SLC41A2: variants seen among roughly 807,000 people sequenced by gnomAD.
SLC41A2 encodes SLC41A1-like 1.
A neutral mutation model predicts 58.3 loss-of-function variants in SLC41A2; 32 were observed. That is an observed-to-expected ratio of 0.55 (90% CI 0.41 to 0.74). The LOEUF is 0.74. Ranked by LOEUF, SLC41A2 falls within the 30% of genes least tolerant of loss-of-function variation. The probability of loss-of-function intolerance (pLI) is 0.00; values close to 1 mark genes in which losing one functional copy is unlikely to be tolerated. For synonymous variants in SLC41A2, 190 were observed against 235.0 expected (o/e 0.81, Z 1.75); for missense variants, 514 against 680.6 (o/e 0.76, Z 2.72).
At chr12:104,913,457 T>C (rs1004113566) in intron 2 of SLC41A2, among the ~76,000 whole-genome samples, 2 of 152,192 alleles carry the variant, frequency 1.3e-5, no homozygotes, top group Admixed American at 6.5e-5. Flanking sequence ...CCAGGATTCC[T>C]TCCTGGTAAG....
intron 6 of SLC41A2, among the ~76,000 whole-genome samples, chr12:104,881,970 C>G (rs1016171441): frequency 6.6e-6 from 1 of 152,062 alleles, no homozygotes; most frequent in East Asian, 1.9e-4. Context: ...GTAGGTCTCT[C>G]AGGACTTGCT....
At chr12:104,859,666 T>C (rs2043135840) in intron 8 of SLC41A2, among the ~76,000 whole-genome samples, 1 of 152,192 alleles carries the variant, frequency 6.6e-6, no homozygotes, top group African/African-American at 2.4e-5. Flanking sequence ...TCAGTAGAAA[T>C]TTTAGACATG....
At chr12:104,925,709 A>G (rs2046810342) in intron 2 of SLC41A2, among the ~76,000 whole-genome samples, 1 of 152,242 alleles carries the variant, frequency 6.6e-6, no homozygotes. Flanking sequence ...TCTCAGTATC[A>G]GGAAGTAAGT....
Position 104,928,100 on chromosome 12 carries a change from G to C in SLC41A2, c.428C>G (p.Ala143Gly), listed in dbSNP as rs771069076. ...TAATTTTGGGGTCACTTCTACAATA[G>C]CATCTTCATCACCATCACTAGATAT... ...EDISSDGDED[A>G]IVEVTPKLPK... The change falls in exon 2 of 11, where the codon GCT (alanine) becomes GGT (glycine). Residue 143 changes from alanine to glycine, a missense_variant. Around this residue, in one of 3 missense-constraint regions of SLC41A2, gnomAD observed 336 missense variants for 430.0 expected, o/e 0.78. Transcript: ENST00000258538. 2 of 1,614,158 alleles carry C rather than the reference G, an allele frequency of 1.2e-6. No individual in the cohort carries two copies. Among genetic ancestry groups the C allele is most frequent in the South Asian group, 1.1e-5 (1 of 91,080 alleles).
intron 1 of SLC41A2, among the ~76,000 whole-genome samples, chr12:104,949,250 A>G (rs1283343539): frequency 6.6e-6 from 1 of 152,184 alleles, no homozygotes; most frequent in Non-Finnish European, 1.5e-5. Flanking sequence ...AAATAAATGA[A>G]CAAATATTTT....
intron 3 of SLC41A2, among the ~76,000 whole-genome samples, chr12:104,900,157 CTT>C (rs2045492342): frequency 6.6e-6 from 1 of 152,144 alleles, no homozygotes; most frequent in South Asian, 2.1e-4. Context: ...ACATCACAAA[CTT>C]TGCAATTCTT....
chr12:104,901,500 C>T (rs1022701807), intron 3 of SLC41A2, among the ~76,000 whole-genome samples: 1 of 151,928 alleles, frequency 6.6e-6, no homozygotes, highest in African/African-American at 2.4e-5. Flanking sequence ...GATTTGGATA[C>T]ATCATTTTTT....
chr12:104,958,366 G>C (rs2048257067), upstream of SLC41A2: 1 of 148,874 alleles, frequency 6.7e-6, no homozygotes, highest in African/African-American at 2.4e-5. Context: ...CGCAAGCGCA[G>C]CCGCGCCGCC....
chr12:104,843,795 A>G (rs111968514), intron 10 of SLC41A2, among the ~76,000 whole-genome samples: 3 of 152,312 alleles, frequency 2.0e-5, no homozygotes, highest in Non-Finnish European at 4.4e-5. Context: ...TTATATCAAA[A>G]GAACAAATAT....
At chr12:104,829,354 TAA>T (rs1730046432) in intron 10 of SLC41A2, among the ~76,000 whole-genome samples, 2 of 152,126 alleles carry the variant, frequency 1.3e-5, no homozygotes, top group South Asian at 4.1e-4. Flanking sequence ...ACCATATGGA[TAA>T]GTTTCAAAAT....
chr12:104,844,546 G>A lies in SLC41A2; in HGVS notation c.1462C>T (p.His488Tyr), dbSNP rs1191109428. ...GAAGTATGACCACTTTTCATCAAAT[G>A]AATAGTGTAGAGGAAAATTAAATGT... ...PGHLIFLYTI[H>Y]LMKSGHTSLT... The change falls in exon 10 of 11, where the codon CAT (histidine) becomes TAT (tyrosine). Residue 488 changes from histidine (H) to tyrosine (Y), a missense_variant. Around this residue, in one of 3 missense-constraint regions of SLC41A2, gnomAD observed 128 missense variants for 146.0 expected, o/e 0.88. Transcript: ENST00000258538. 1.9e-6 allele frequency: 3 copies of A among 1,574,044 alleles called. No individual in the cohort carries two copies. Among genetic ancestry groups the A allele is most frequent in the Non-Finnish European group, 2.6e-6 (3 of 1,159,392 alleles).
intron 10 of SLC41A2, among the ~76,000 whole-genome samples, chr12:104,808,026 C>A (rs2040995651): frequency 6.6e-6 from 1 of 152,196 alleles, no homozygotes; most frequent in African/African-American, 2.4e-5. Context: ...GACAATTTGA[C>A]TTCCTCTTTT....
chr12:104,812,764 G>A (rs757792960), intron 10 of SLC41A2, among the ~76,000 whole-genome samples: 8 of 152,040 alleles, frequency 5.3e-5, no homozygotes, highest in Non-Finnish European at 1.0e-4. Flanking sequence ...TGGATACCAG[G>A]TCTCCATGAT....
intron 2 of SLC41A2, among the ~76,000 whole-genome samples, chr12:104,914,191 A>T (rs2046212192): frequency 6.6e-6 from 1 of 152,216 alleles, no homozygotes. Context: ...AGAATACCTA[A>T]CAATCCTATG....
chr12:104,870,572 ACT>A (rs1241207102), intron 6 of SLC41A2, among the ~76,000 whole-genome samples: 1 of 152,180 alleles, frequency 6.6e-6, no homozygotes, highest in African/African-American at 2.4e-5. Flanking sequence ...ATTAATACTG[ACT>A]CTGTGATATA....
chr12:104,890,025 G>T (rs2044872963), intron 4 of SLC41A2, among the ~76,000 whole-genome samples: 1 of 152,134 alleles, frequency 6.6e-6, no homozygotes, highest in African/African-American at 2.4e-5. Flanking sequence ...AGCTGAGTTT[G>T]TGTCATGGAC....
At chr12:104,846,104 T>C in intron 8 of SLC41A2, 130 bp from the exon 9 acceptor site, 1 of 864,578 alleles carries the variant, frequency 1.2e-6, no homozygotes, top group Middle Eastern at 2.4e-4. Flanking sequence ...TTCTGAAATG[T>C]TGATCTATTT....
In SLC41A2 at chr12:104,870,409, C is replaced by T. The variant is rs1056133701; in HGVS notation, c.1028-3830G>A. 2.0e-5 allele frequency among the ~76,000 whole-genome samples: 3 copies of T among 152,272 alleles called. No individual in the cohort carries two copies. The East Asian group carries it at 5.8e-4, about 29-fold the overall frequency. ...ATTGTAATTGTTCTGGTTTCCAGAA[C>T]TGTAAAAACAAAACAAACAAAAAAA... On this transcript the variant is annotated intron_variant, in intron 6 of 10. Coordinates refer to ENST00000258538, the MANE Select transcript of SLC41A2 (RefSeq NM_001352171.3).
chr12:104,852,071 A>C (rs1457687001), intron 8 of SLC41A2, among the ~76,000 whole-genome samples: 5 of 152,226 alleles, frequency 3.3e-5, no homozygotes, highest in Admixed American at 6.5e-5. Flanking sequence ...AAGAGTATTT[A>C]ACTACATAAT....
Sources: gnomAD v4.1 joint callset for allele counts (sites outside exome capture counted in the v4.1 genomes callset) on GRCh38, gnomAD v4.1.1 for gene constraint, gnomAD v4.1.1 regional missense constraint, MANE v1.5 for transcripts, NCBI Gene and HGNC (gene_info 2026-07-23, HGNC 2026-07-21) for gene names.